Variants in RNF115 observed in about 807,000 individuals in gnomAD.
RNF115 encodes the protein E3 ubiquitin-protein ligase RNF115.
A neutral mutation model predicts 39.2 loss-of-function variants in RNF115; 31 were observed. The observed-to-expected ratio is 0.79, with a 90% CI of 0.59 to 1.07. The LOEUF (loss-of-function observed/expected upper bound fraction) is 1.07, where lower values mean the gene tolerates loss of function less well. RNF115 is among the 50% of genes least tolerant of loss of function. RNF115 has a pLI of 0.00. For missense variants in RNF115, 384 were observed against 381.7 expected (o/e 1.01, Z -0.05); for synonymous variants, 124 against 131.0 (o/e 0.95, Z 0.37).
intron 1 of RNF115, among the ~76,000 whole-genome samples, chr1:145,811,908 A>AT (rs1289928444): frequency 5.4e-5 from 3 of 55,152 alleles, no homozygotes; most frequent in Admixed American, 2.3e-4. Context: ...AAAAAAAAAA[A>AT]ATATATATAT....
rs782764324 is a variant in RNF115 at position 145,746,350 on chromosome 1, T to G, written c.*516A>C. 3 of 152,160 alleles carry G rather than the reference T, an allele frequency of 2.0e-5. No individual in the cohort carries two copies. Among genetic ancestry groups the G allele is most frequent in the Non-Finnish European group, 4.4e-5 (3 of 68,030 alleles). The allele number at this position is 152,160 out of a possible 1,614,324, so 9.4% of individuals were successfully genotyped here. A position where few individuals can be genotyped will look rare whatever the true frequency, so the allele number is the denominator to read the frequency against. On this transcript the variant is annotated 3_prime_UTR_variant, in exon 9 of 9. Coordinates refer to ENST00000582693, the MANE Select transcript of RNF115 (RefSeq NM_014455.4). ...GGGGATCAAGACAAAACAAAATCAT[T>G]AGTCTTAGATACCTGAATTTGACCT...
chr1:145,756,756 G>GCCCCC (rs1317144364), intron 4 of RNF115, among the ~76,000 whole-genome samples: 1 of 149,236 alleles, frequency 6.7e-6, no homozygotes, highest in Non-Finnish European at 1.5e-5. Flanking sequence ...GTAGATGTAT[G>GCCCCC]CCCCCCACAA....
chr1:145,801,566 T>C (rs939437922), intron 1 of RNF115, among the ~76,000 whole-genome samples: 3 of 152,036 alleles, frequency 2.0e-5, no homozygotes, highest in African/African-American at 7.2e-5. Context: ...AAAATAACTA[T>C]GCTTTTAAAG....
chr1:145,803,821 A>T (rs1649350885), intron 1 of RNF115, among the ~76,000 whole-genome samples: 1 of 152,260 alleles, frequency 6.6e-6, no homozygotes, highest in Non-Finnish European at 1.5e-5. Flanking sequence ...CACAAGACAA[A>T]GTGTTACTTG....
chr1:145,790,799 T>C (rs1553718845), intron 1 of RNF115, among the ~76,000 whole-genome samples: 2 of 152,146 alleles, frequency 1.3e-5, no homozygotes, highest in African/African-American at 2.4e-5. Flanking sequence ...AGCTCCACTA[T>C]ATACATATCA....
intron 1 of RNF115, among the ~76,000 whole-genome samples, chr1:145,812,366 T>C (rs1294709727): frequency 6.6e-6 from 1 of 150,380 alleles, no homozygotes; most frequent in Non-Finnish European, 1.5e-5. Flanking sequence ...AAGACAAAAC[T>C]AACTGGTCTG....
chr1:145,751,394 C>T, intron 6 of RNF115, 44 bp downstream of exon 6: 1 of 1,351,410 alleles, frequency 7.4e-7, no homozygotes, highest in Non-Finnish European at 1.0e-6. Context: ...CCTGTGGAAC[C>T]ATGAGACACA....
chr1:145,780,817 C>G lies in RNF115; in HGVS notation c.219+3722G>C, dbSNP rs970413870. Among the ~76,000 whole-genome samples the G allele has an allele frequency of 2.0e-5, 3 of 152,094 alleles. 1 individual carries two copies. The South Asian group carries it at 6.2e-4, about 32-fold the overall frequency. On this transcript the variant is annotated intron_variant, in intron 3 of 8. Coordinates refer to ENST00000582693, the MANE Select transcript of RNF115 (RefSeq NM_014455.4). The stretch of plus-strand genomic sequence containing the variant: ...AGAAAGCCATGTATCTTATTTTCTC[C>G]CAATCTGAGGCAGCAGCCAGAGCCA...
At chr1:145,766,250 C>T (rs1647270477) in intron 4 of RNF115, among the ~76,000 whole-genome samples, 2 of 152,092 alleles carry the variant, frequency 1.3e-5, no homozygotes, top group Non-Finnish European at 2.9e-5. Flanking sequence ...TCTTGCACCG[C>T]CCTTAATCCA....
intron 4 of RNF115, among the ~76,000 whole-genome samples, chr1:145,765,181 C>T (rs932517480): frequency 8.5e-5 from 13 of 152,122 alleles, no homozygotes; most frequent in African/African-American, 1.9e-4. Context: ...GGATTAAGGG[C>T]GGTGCAAGAT....
At chr1:145,792,275 T>G (rs1188585339) in intron 1 of RNF115, among the ~76,000 whole-genome samples, 2 of 152,122 alleles carry the variant, frequency 1.3e-5, no homozygotes, top group African/African-American at 4.8e-5. Flanking sequence ...TACCTGAAGA[T>G]GATGTAAGCT....
chr1:145,772,872 T>C (rs1436808209), intron 3 of RNF115: 1 of 152,214 alleles, frequency 6.6e-6, no homozygotes, highest in East Asian at 1.9e-4. Flanking sequence ...ACACATCTCC[T>C]GGACTCTGTT....
rs1271132419 is a variant in RNF115 at position 145,739,267 on chromosome 1, A to G, written c.*7599T>C. ...GGGCAGGATATTCCTGATAGGAGGA[A>G]CTACATGAATAAAGGGGTAAGAGCA... On this transcript the variant is annotated 3_prime_UTR_variant, in exon 9 of 9. Transcript: ENST00000582693. 1 of 152,290 alleles carries G rather than the reference A, an allele frequency of 6.6e-6. No individual in the cohort carries two copies. Among genetic ancestry groups the G allele is most frequent in the African/African-American group, 2.4e-5 (1 of 41,470 alleles). 9.4% of individuals were successfully genotyped at this position (152,290 alleles called of 1,614,324 possible). A position where few individuals can be genotyped will look rare whatever the true frequency, so the allele number is the denominator to read the frequency against.
At chr1:145,795,666 G>A (rs1353133442) in intron 1 of RNF115, among the ~76,000 whole-genome samples, 24 of 152,234 alleles carry the variant, frequency 1.6e-4, no homozygotes, top group African/African-American at 4.6e-4. Flanking sequence ...TACAGCTCCC[G>A]CACAGGAACA....
intron 1 of RNF115, among the ~76,000 whole-genome samples, chr1:145,798,089 A>G (rs1553720365): frequency 6.6e-6 from 1 of 152,112 alleles, no homozygotes; most frequent in African/African-American, 2.4e-5. Context: ...CTCCCATTCC[A>G]CAGGTTGCCT....
intron 3 of RNF115, 31 bp from the exon 4 acceptor site, chr1:145,771,950 A>G (rs1307315228): frequency 4.5e-6 from 7 of 1,566,526 alleles, no homozygotes; most frequent in Non-Finnish European, 6.1e-6. Flanking sequence ...GTCACATGTT[A>G]GAAAAATCAA....
At chr1:145,777,226 T>C (rs1647927160) in intron 3 of RNF115, among the ~76,000 whole-genome samples, 1 of 152,194 alleles carries the variant, frequency 6.6e-6, no homozygotes, top group South Asian at 2.1e-4. Context: ...TTCATTATAA[T>C]ATAAAAATGA....
intron 4 of RNF115, among the ~76,000 whole-genome samples, chr1:145,762,181 C>T (rs1301816909): frequency 1.3e-5 from 2 of 152,188 alleles, no homozygotes; most frequent in African/African-American, 4.8e-5. Flanking sequence ...TCAGATGAGA[C>T]TTTGGACTTC....
chr1:145,767,923 G>C (rs1208122151), intron 4 of RNF115, among the ~76,000 whole-genome samples: 7 of 148,844 alleles, frequency 4.7e-5, no homozygotes, highest in African/African-American at 1.8e-4. Flanking sequence ...GATGGCAGCA[G>C]CACAGTCCAG....
Sources: gnomAD v4.1 joint callset for allele counts (sites outside exome capture counted in the v4.1 genomes callset) on GRCh38, gnomAD v4.1.1 for gene constraint, MANE v1.5 for transcripts, NCBI Gene and HGNC (gene_info 2026-07-23, HGNC 2026-07-21) for gene names.